Variants in LRP5 observed in about 807,000 individuals in gnomAD.
LRP5 encodes the protein LDL receptor related protein 5.
A neutral mutation model predicts 154.1 loss-of-function variants in LRP5; 62 were observed. That is an observed-to-expected ratio of 0.40 (90% CI 0.33 to 0.50). The LOEUF (loss-of-function observed/expected upper bound fraction) is 0.50, where lower values mean the gene tolerates loss of function less well. LRP5 is among the 20% of genes least tolerant of loss of function. The pLI is 0.55. For missense variants in LRP5, 1,915 were observed against 2,336.7 expected (o/e 0.82, Z 3.72); for synonymous variants, 966 against 1,011.5 (o/e 0.96, Z 0.85).
chr11:68,299,101 CT>C, the LRP5 span, among the ~76,000 whole-genome samples: 2 of 152,246 alleles, frequency 1.3e-5, no homozygotes, highest in African/African-American at 4.8e-5. Context: ...CCAGCTGCCC[CT>C]GGTCCCAGAC....
intron 1 of LRP5, among the ~76,000 whole-genome samples, chr11:68,333,726 A>G (rs2098604144): frequency 6.6e-6 from 1 of 152,222 alleles, no homozygotes; most frequent in South Asian, 2.1e-4. Context: ...TATGGATTAT[A>G]TCTGAGAACT....
chr11:68,361,384 C>T (rs1220489844), intron 3 of LRP5, among the ~76,000 whole-genome samples: 1 of 151,712 alleles, frequency 6.6e-6, no homozygotes, highest in Non-Finnish European at 1.5e-5. Flanking sequence ...CGCCTGTAAT[C>T]CCAGAACTTT....
intron 3 of LRP5, among the ~76,000 whole-genome samples, chr11:68,359,251 G>A (rs565605287): frequency 1.1e-4 from 16 of 152,278 alleles, no homozygotes; most frequent in Non-Finnish European, 1.6e-4. Context: ...GAGTGAGGCC[G>A]GGACATCCAC....
At chr11:68,378,365 C>CCCAT (rs2098638533) in intron 5 of LRP5, among the ~76,000 whole-genome samples, 1 of 152,058 alleles carries the variant, frequency 6.6e-6, no homozygotes, top group Admixed American at 6.6e-5. Context: ...CCCCATCCCT[C>CCCAT]CCATCCCCTT....
intron 16 of LRP5, among the ~76,000 whole-genome samples, chr11:68,427,675 G>A (rs1381998570): frequency 3.3e-5 from 5 of 149,952 alleles, no homozygotes; most frequent in Admixed American, 6.6e-5. Flanking sequence ...GTGAGACTCC[G>A]TCTCAAAAAA....
chr11:68,302,649 G>A, the LRP5 span, among the ~76,000 whole-genome samples: 1 of 152,214 alleles, frequency 6.6e-6, no homozygotes, highest in African/African-American at 2.4e-5. Context: ...GAGGCTTGGG[G>A]ACTTGTCCCT....
intron 20 of LRP5, 121 bp from the exon 21 acceptor site, chr11:68,439,656 G>C: frequency 5.5e-6 from 6 of 1,095,572 alleles, no homozygotes; most frequent in Non-Finnish European, 8.1e-6. Flanking sequence ...ATTTCCAACA[G>C]GACACACCGC....
Position 68,403,699 on chromosome 11 carries a change from G to A in LRP5, c.1801G>A (p.Gly601Arg), listed in dbSNP as rs576436176. The A allele has an allele frequency of 3.1e-6, 5 of 1,613,184 alleles. No individual in the cohort carries two copies. Among genetic ancestry groups the A allele is most frequent in the Admixed American group, 3.3e-5 (2 of 60,020 alleles). Residue 601 changes from glycine to arginine, a missense_variant and splice_region_variant, in exon 8 of 23, where the codon GGA becomes AGA. Coordinates refer to ENST00000294304, the MANE Select transcript of LRP5 (RefSeq NM_002335.4). Reference sequence around the variant, plus strand: ...AGCTGTGAATGTGGCCAAGGTCGTCGGTGAGTCCGGGGGGTCCCAAGCCAT... The same window carrying A: ...AGCTGTGAATGTGGCCAAGGTCGTCAGTGAGTCCGGGGGGTCCCAAGCCAT... Reference protein sequence around the residue: ...LKAVNVAKVVGTNPCADRNGG... With the variant: ...LKAVNVAKVVRTNPCADRNGG...
rs1482852595 is a variant in LRP5, at chr11:68,411,444, A to G, written c.2327A>G (p.Tyr776Cys). The G allele has an allele frequency of 4.3e-6, 7 of 1,611,656 alleles. No homozygotes were observed. The highest frequency in any genetic ancestry group is 5.1e-6 in the Non-Finnish European group (6 of 1,179,978). Residue 776 changes from tyrosine to cysteine, a missense_variant, in exon 11 of 23, where the codon TAC becomes TGC. Physicochemically the swap from Tyr to Cys is radical, Grantham distance 194. This residue lies in a region of LRP5 where 773 missense variants were observed against 1,100.9 expected (regional missense o/e 0.70). Transcript: ENST00000294304. ...TCCCTTGTGCCTTCCAGCTACATCT[A>G]CTGGACCGAGTGGGGCGGCAAGCCG... The part of the protein sequence containing the change: ...LALDPTKGYI[Y>C]WTEWGGKPRI...
chr11:68,316,418 C>T (rs550018449), intron 1 of LRP5, among the ~76,000 whole-genome samples: 2 of 152,008 alleles, frequency 1.3e-5, no homozygotes, highest in Non-Finnish European at 2.9e-5. Context: ...ATTACAGGTG[C>T]CCGCCACCAC....
intron 16 of LRP5, 35 bp from the exon 17 acceptor site, chr11:68,429,540 G>A: frequency 6.2e-7 from 1 of 1,613,366 alleles, no homozygotes; most frequent in Non-Finnish European, 8.5e-7. Context: ...GGGAGACAGA[G>A]CCTGACCTCT....
chr11:68,391,442 G>A lies in LRP5; in HGVS notation c.1584+1390G>A, dbSNP rs1168902730. Among the ~76,000 whole-genome samples the A allele has an allele frequency of 7.9e-5, 12 of 152,342 alleles. No individual in the cohort carries two copies. In the South Asian group the frequency reaches 8.3e-4, roughly 11 times the overall value. On this transcript the variant is annotated intron_variant, in intron 7 of 22. Coordinates refer to ENST00000294304, the MANE Select transcript of LRP5 (RefSeq NM_002335.4). ...CTGAGCTGCATCAGTCCTTGTTGACGTCACCATCGGGGTCACCTTTGCTCT... is the reference window on the plus strand; with the variant it reads ...CTGAGCTGCATCAGTCCTTGTTGACATCACCATCGGGGTCACCTTTGCTCT...
At chr11:68,361,703 TC>T (rs2098628224) in intron 3 of LRP5, among the ~76,000 whole-genome samples, 1 of 152,034 alleles carries the variant, frequency 6.6e-6, no homozygotes. Context: ...ATACCTGTGT[TC>T]CCAGCTACTC....
intron 1 of LRP5, among the ~76,000 whole-genome samples, chr11:68,325,438 C>T (rs185004964): frequency 2.4e-4 from 36 of 152,238 alleles, no homozygotes; most frequent in Non-Finnish European, 4.0e-4. Context: ...TCTTGGCTGC[C>T]CACAGCACCT....
intron 20 of LRP5, among the ~76,000 whole-genome samples, chr11:68,439,193 AT>A (rs945371894): frequency 6.6e-6 from 1 of 152,168 alleles, no homozygotes; most frequent in African/African-American, 2.4e-5. Flanking sequence ...TTTGTATCAC[AT>A]GGGTGACCAT....
intron 14 of LRP5, among the ~76,000 whole-genome samples, chr11:68,424,289 G>A (rs1020345230): frequency 6.6e-6 from 1 of 152,214 alleles, no homozygotes; most frequent in Admixed American, 6.5e-5. Context: ...GCATGAAGAC[G>A]GGAGCTACAG....
intron 21 of LRP5, chr11:68,445,661 G>A (rs1169874073): frequency 7.6e-7 from 1 of 1,318,802 alleles, no homozygotes; most frequent in Non-Finnish European, 9.9e-7. Context: ...GTTGGGTTGG[G>A]GTGCCGTCAG....
chr11:68,319,352 G>A (rs1339875014), intron 1 of LRP5, among the ~76,000 whole-genome samples: 1 of 152,092 alleles, frequency 6.6e-6, no homozygotes, highest in Non-Finnish European at 1.5e-5. Flanking sequence ...ACAGGCGTGA[G>A]CCACCATGCC....
Position 68,386,417 on chromosome 11 carries a change from C to T in LRP5, c.1117C>T (p.Arg373Trp), listed in dbSNP as rs751683687. The change falls in exon 6 of 23, where the codon CGG becomes TGG. Residue 373 changes from arginine to tryptophan, a missense_variant. Arg to Trp is a moderately radical substitution (Grantham distance 101). This residue lies in a region of LRP5 where 773 missense variants were observed against 1,100.9 expected (regional missense o/e 0.70). Coordinates refer to ENST00000294304, the MANE Select transcript of LRP5 (RefSeq NM_002335.4). This position sits in a 1 kb window ranked among gnomAD's most constrained non-coding sequence, Gnocchi z 7.9. ...CATCGTGCTGCAGGTGGACGACATC[C>T]GGCACGCCATTGCCATCGACTACGA... ...TDIVLQVDDI[R>W]HAIAIDYDPL... The T allele has an allele frequency of 8.1e-6, 13 of 1,614,042 alleles. No individual in the cohort carries two copies. Among genetic ancestry groups the T allele is most frequent in the East Asian group, 6.7e-5 (3 of 44,880 alleles).
Sources: allele counts gnomAD v4.1 joint callset (sites outside exome capture counted in the v4.1 genomes callset), GRCh38; gene constraint gnomAD v4.1.1; regional missense constraint gnomAD v4.1.1; non-coding constraint Gnocchi (gnomAD v3.1); transcripts MANE v1.5; gene names NCBI Gene and HGNC (gene_info 2026-07-23, HGNC 2026-07-21).